The following SCN11A variants were observed in gnomAD, a reference collection of about 807,000 sequenced individuals.
The protein encoded by SCN11A is sodium voltage-gated channel alpha subunit 11, also known as sodium channel protein type 11 subunit alpha.
Under a neutral mutation model 162.2 loss-of-function variants are expected in SCN11A, and 122 were observed. The observed-to-expected ratio is 0.75, with a 90% CI of 0.65 to 0.87. The LOEUF (loss-of-function observed/expected upper bound fraction) is 0.87. SCN11A is among the 40% of genes least tolerant of loss of function. The probability of loss-of-function intolerance (pLI) is 0.00; values close to 1 mark genes in which losing one functional copy is unlikely to be tolerated. For missense variants in SCN11A, 2,015 were observed against 2,181.6 expected (o/e 0.92, Z 1.52); for synonymous variants, 758 against 751.5 (o/e 1.01, Z -0.14).
intron 2 of SCN11A, among the ~76,000 whole-genome samples, chr3:38,971,549 C>T (rs1167918704): frequency 2.6e-5 from 4 of 152,182 alleles, no homozygotes; most frequent in Admixed American, 6.5e-5. Context: ...CCTGCTGGAC[C>T]CCTGTATGAG....
intron 16 of SCN11A, among the ~76,000 whole-genome samples, chr3:38,903,068 A>G (rs1053646647): frequency 3.3e-5 from 5 of 152,328 alleles, no homozygotes; most frequent in Admixed American, 1.3e-4. Context: ...AAAATAAAAC[A>G]GCATTTATTA....
chr3:38,845,778 A>T lies in SCN11A; in HGVS notation c.*916T>A, dbSNP rs2064649973. ...AGTGTACTACCTGAAAGGAACACAA[A>T]CAGAAAGCTTTATTGAATTTATATA... On this transcript the variant is annotated 3_prime_UTR_variant, in exon 30 of 30. Transcript: ENST00000302328. The T allele has an allele frequency of 6.9e-6, 1 of 144,572 alleles. No individual in the cohort carries two copies. The highest frequency in any genetic ancestry group is 2.7e-5 in the African/African-American group (1 of 37,474). The allele number at this position is 144,572 out of a possible 1,614,324, so 9.0% of individuals were successfully genotyped here. A position where few individuals can be genotyped will look rare whatever the true frequency, so the allele number is the denominator to read the frequency against.
chr3:38,887,368 C>T (rs899570223), intron 19 of SCN11A, among the ~76,000 whole-genome samples: 1 of 150,192 alleles, frequency 6.7e-6, no homozygotes, highest in Non-Finnish European at 1.5e-5. Flanking sequence ...CTGGCACCTC[C>T]TAGCCCCTCT....
intron 7 of SCN11A, among the ~76,000 whole-genome samples, chr3:38,931,823 C>G (rs1352657592): frequency 6.6e-6 from 1 of 152,176 alleles, no homozygotes; most frequent in Non-Finnish European, 1.5e-5. Context: ...GTCCCTCAAG[C>G]CTTAGAAACA....
Position 38,863,248 on chromosome 3 carries a change from C to A in SCN11A, c.4003G>T (p.Ala1335Ser). Reference sequence around the variant, plus strand: ...TTTTTGGATCCTAATTTTTTCATTGCATTATAGTATTTCTTCTGTTCTTCT... The same window carrying A: ...TTTTTGGATCCTAATTTTTTCATTGAATTATAGTATTTCTTCTGTTCTTCT... ...MTEEQKKYYN[A>S]MKKLGSKKPQ... The change falls in exon 28 of 30, where the codon GCA becomes TCA. Residue 1335 changes from alanine (A) to serine (S), a missense_variant. Physicochemically the swap from Ala to Ser is moderately conservative, Grantham distance 99. Transcript: ENST00000302328. 1 of 1,608,772 alleles carries A rather than the reference C, an allele frequency of 6.2e-7. No homozygotes were observed. The highest frequency in any genetic ancestry group is 8.5e-7 in the Non-Finnish European group (1 of 1,175,716).
chr3:38,919,850 C>T, intron 11 of SCN11A, 85 bp downstream of exon 11: 1 of 897,972 alleles, frequency 1.1e-6, no homozygotes, highest in Non-Finnish European at 1.8e-6. Flanking sequence ...ACTGTGTCCA[C>T]CAGTCATTAA....
At chr3:38,976,751 T>C (rs991461323) in intron 2 of SCN11A, among the ~76,000 whole-genome samples, 2 of 152,128 alleles carry the variant, frequency 1.3e-5, no homozygotes, top group Non-Finnish European at 2.9e-5. Context: ...CCCTTAACCC[T>C]TCCCCTCTCT....
rs2065727502 is a variant in SCN11A, at chr3:38,902,935, A to G, written c.1842+930T>C. Reference sequence around the variant, plus strand: ...ACTAAATAAAAATACATACACACATACATACATGCTTACATAAAGCTTGCA... The same window carrying G: ...ACTAAATAAAAATACATACACACATGCATACATGCTTACATAAAGCTTGCA... On this transcript the variant is annotated intron_variant, in intron 16 of 29. Coordinates refer to ENST00000302328, the MANE Select transcript of SCN11A (RefSeq NM_001349253.2). 1.3e-5 allele frequency among the ~76,000 whole-genome samples: 2 copies of G among 152,220 alleles called. 1 individual carries two copies. The highest frequency in any genetic ancestry group is 4.1e-4 in the South Asian group (2 of 4,830).
chr3:38,972,228 G>A (rs369693734), intron 2 of SCN11A, among the ~76,000 whole-genome samples: 6 of 152,280 alleles, frequency 3.9e-5, no homozygotes, highest in African/African-American at 1.4e-4. Flanking sequence ...GGGGAGCCTT[G>A]GAAGCCCCCT....
rs1325097401 is a variant in SCN11A, at chr3:38,863,221, G to GT, written c.4029dup (p.Pro1344ThrfsTer26). On this transcript the variant is annotated frameshift_variant, in exon 28 of 30. Coordinates refer to ENST00000302328, the MANE Select transcript of SCN11A (RefSeq NM_001349253.2). LOFTEE classifies it high-confidence loss of function. ...AGAGGCCGTGGAATGGGTTTTTGAGGTTTTTTGGATCCTAATTTTTTCATT... is the reference window on the plus strand; with the variant it reads ...AGAGGCCGTGGAATGGGTTTTTGAGGTTTTTTTGGATCCTAATTTTTTCATT... 2 of 1,603,252 alleles carry GT rather than the reference G, an allele frequency of 1.2e-6. No individual in the cohort carries two copies. Among genetic ancestry groups the GT allele is most frequent in the Non-Finnish European group, 1.7e-6 (2 of 1,170,484 alleles).
Position 39,024,186 on chromosome 3 carries a change from G to A in SCN11A, c.-280+8194C>T, listed in dbSNP as rs78005620. Among the ~76,000 whole-genome samples, 748 of 152,302 alleles carry A rather than the reference G, an allele frequency of 4.9e-3. 11 individuals are homozygous for A. Among genetic ancestry groups the A allele is most frequent in the African/African-American group, 0.016 (680 of 41,568 alleles). ...CAGAAATGAAGACCCAGGGACTCAG[G>A]GAAAATCGTTTGTTTTTATGTTTAG... On this transcript the variant is annotated intron_variant, in intron 2 of 29. Coordinates refer to ENST00000302328, the MANE Select transcript of SCN11A (RefSeq NM_001349253.2).
At position 38,940,293 on chromosome 3, in the gene SCN11A, G is replaced by A. The variant is rs2066422199; in HGVS notation, c.488+5118C>T. ...CAATGAGTTCCAACCTCATAAAGAT[G>A]TCAGTTTCCTCTAGGTTAATTTATA... On this transcript the variant is annotated intron_variant, in intron 7 of 29. Transcript: ENST00000302328. Among the ~76,000 whole-genome samples, 4 of 152,084 alleles carry A rather than the reference G, an allele frequency of 2.6e-5. No individual in the cohort carries two copies. The South Asian group carries it at 8.3e-4, about 32-fold the overall frequency.
chr3:38,878,050 T>C (rs1454784101), intron 23 of SCN11A, among the ~76,000 whole-genome samples: 1 of 151,664 alleles, frequency 6.6e-6, no homozygotes, highest in Non-Finnish European at 1.5e-5. Flanking sequence ...GATAAAAGAC[T>C]ACATTAGGTA....
intron 23 of SCN11A, among the ~76,000 whole-genome samples, chr3:38,878,370 A>AT (rs1439388240): frequency 1.3e-5 from 2 of 151,890 alleles, no homozygotes; most frequent in Admixed American, 1.3e-4. Context: ...TGAGAAAATT[A>AT]TTGTCAAAAG....
chr3:39,033,196 G>A (rs2031810356), intron 1 of SCN11A, among the ~76,000 whole-genome samples: 1 of 151,100 alleles, frequency 6.6e-6, no homozygotes, highest in Admixed American at 6.6e-5. Flanking sequence ...TAATTAACTT[G>A]CTCAGGTAAT....
At chr3:39,024,616 C>G (rs2031539397) in intron 2 of SCN11A, among the ~76,000 whole-genome samples, 1 of 152,196 alleles carries the variant, frequency 6.6e-6, no homozygotes, top group Non-Finnish European at 1.5e-5. Context: ...GAACATAATA[C>G]TCTAACTTTT....
chr3:38,897,304 T>C (rs1210333994), intron 17 of SCN11A, 79 bp from the exon 18 acceptor site: 1 of 1,409,940 alleles, frequency 7.1e-7, no homozygotes, highest in Non-Finnish European at 9.6e-7. Flanking sequence ...ATAAAGCAAA[T>C]GACATATACC....
At chr3:38,851,615 C>T (rs1479134144) in intron 28 of SCN11A, among the ~76,000 whole-genome samples, 2 of 152,202 alleles carry the variant, frequency 1.3e-5, no homozygotes, top group Non-Finnish European at 2.9e-5. Flanking sequence ...CAAATTCAGA[C>T]ATTGAAATTT....
rs2065830774 is a variant in SCN11A at position 38,908,141 on chromosome 3, CA to C, written c.1300-20del. 1 of 1,604,220 alleles carries C rather than the reference CA, an allele frequency of 6.2e-7. No individual in the cohort carries two copies. The highest frequency in any genetic ancestry group is 1.1e-5 in the South Asian group (1 of 88,720). The stretch of plus-strand genomic sequence containing the variant: ...CCAGAGCCTTCAAATTGAACAAAAG[CA>C]ATTAAAGAACAGATTACACCTCCTC... On this transcript the variant is annotated intron_variant, in intron 13 of 29. Coordinates refer to ENST00000302328, the MANE Select transcript of SCN11A (RefSeq NM_001349253.2).
Sources: allele counts gnomAD v4.1 joint callset (sites outside exome capture counted in the v4.1 genomes callset), GRCh38; gene constraint gnomAD v4.1.1; transcripts MANE v1.5; gene names NCBI Gene and HGNC (gene_info 2026-07-23, HGNC 2026-07-21).